Variants in MYO9A observed in about 807,000 individuals in gnomAD.
MYO9A encodes the protein myosin IXA, also known as unconventional myosin-IXa.
Under a neutral mutation model 293.3 loss-of-function variants are expected in MYO9A, and 103 were observed. The observed-to-expected ratio is 0.35, with a 90% CI of 0.30 to 0.41. The LOEUF (loss-of-function observed/expected upper bound fraction) is 0.41. MYO9A is among the 10% of genes least tolerant of loss of function. The pLI, the probability that MYO9A is intolerant of heterozygous loss-of-function variation, is 1.00. For synonymous variants in MYO9A, 1,001 were observed against 1,035.7 expected, an observed-to-expected ratio of 0.97 and a Z score of 0.64; for missense variants, 2,685 against 3,033.0, an observed-to-expected ratio of 0.89 and a Z score of 2.69.
intron 11 of MYO9A, among the ~76,000 whole-genome samples, chr15:71,980,196 G>A (rs765525687): frequency 2.0e-5 from 3 of 152,170 alleles, no homozygotes; most frequent in African/African-American, 2.4e-5. Flanking sequence ...TAAAAATAAC[G>A]TCTTATGACC....
intron 18 of MYO9A, among the ~76,000 whole-genome samples, chr15:71,933,390 GACCTT>G (rs1166111846): frequency 6.6e-6 from 1 of 152,040 alleles, no homozygotes; most frequent in Admixed American, 6.6e-5. Flanking sequence ...GAAATGAAAA[GACCTT>G]ACATAAAGAG....
intron 27 of MYO9A, among the ~76,000 whole-genome samples, chr15:71,887,151 C>G: frequency 6.6e-6 from 1 of 152,014 alleles, no homozygotes; most frequent in East Asian, 1.9e-4. Context: ...AATCCAAGTC[C>G]AAAGCTGGCA....
chr15:71,968,222 C>T, intron 12 of MYO9A, 97 bp from the exon 13 acceptor site: 1 of 1,041,210 alleles, frequency 9.6e-7, no homozygotes, highest in Non-Finnish European at 1.3e-6. Context: ...AATTACATTG[C>T]CATCTTACAT....
At position 71,848,983 on chromosome 15, in the gene MYO9A, A is replaced by G. The variant is rs1262574505; in HGVS notation, c.6714-15T>C. 1 of 1,574,794 alleles carries G rather than the reference A, an allele frequency of 6.4e-7. No individual in the cohort carries two copies. Among genetic ancestry groups the G allele is most frequent in the Non-Finnish European group, 8.6e-7 (1 of 1,167,132 alleles). ...GTTCCACACAACTGAAACAGAAGGA[A>G]AGAGAAAAAAACTGTTAAGAGGTGA... On this transcript the variant is annotated splice_polypyrimidine_tract_variant and intron_variant, in intron 38 of 41. Transcript: ENST00000356056.
chr15:71,991,785 G>A (rs919266373), intron 10 of MYO9A, among the ~76,000 whole-genome samples: 1 of 152,112 alleles, frequency 6.6e-6, no homozygotes, highest in African/African-American at 2.4e-5. Flanking sequence ...ACGGAGTCTC[G>A]ATCTGTCGCC....
Position 71,898,669 on chromosome 15 carries a change from T to C in MYO9A, c.3834A>G (p.Arg1278=), listed in dbSNP as rs376297022. The change falls in exon 25 of 42, where the codon AGA becomes AGG. Residue 1278 remains arginine, a synonymous_variant. Coordinates refer to ENST00000356056, the MANE Select transcript of MYO9A (RefSeq NM_006901.4). ...GRAKRESRRM[R]ELEQAIFSLE... ...AGCTAAATATAGCTTGCTCTAGTTCTCTCATTCTCCTACTTTCTCTCTTAG... is the reference window on the plus strand; with the variant it reads ...AGCTAAATATAGCTTGCTCTAGTTCCCTCATTCTCCTACTTTCTCTCTTAG... The C allele has an allele frequency of 6.2e-7, 1 of 1,613,896 alleles. No homozygotes were observed. The highest frequency in any genetic ancestry group is 1.3e-5 in the African/African-American group (1 of 74,850).
intron 21 of MYO9A, 58 bp downstream of exon 21, chr15:71,903,871 T>C (rs770818334): frequency 7.3e-7 from 1 of 1,379,152 alleles, no homozygotes; most frequent in African/African-American, 1.4e-5. Context: ...AAGCAAGATA[T>C]GTGGGAATCA....
At chr15:72,065,501 G>C (rs542773758) in intron 1 of MYO9A, among the ~76,000 whole-genome samples, 1 of 135,896 alleles carries the variant, frequency 7.4e-6, no homozygotes, top group East Asian at 2.1e-4. Flanking sequence ...GGCAACAAGA[G>C]CAAAACTCCG....
intron 1 of MYO9A, among the ~76,000 whole-genome samples, chr15:72,102,949 GATAA>G (rs1176095874): frequency 2.0e-5 from 3 of 151,396 alleles, no homozygotes; most frequent in African/African-American, 7.3e-5. Context: ...AGAATCTACA[GATAA>G]ATTCAAATTA....
chr15:71,923,476 T>C (rs2058210333), intron 18 of MYO9A, among the ~76,000 whole-genome samples: 1 of 152,244 alleles, frequency 6.6e-6, no homozygotes, highest in Non-Finnish European at 1.5e-5. Flanking sequence ...AATTGAGCAG[T>C]GAAGCTGTCA....
intron 19 of MYO9A, among the ~76,000 whole-genome samples, chr15:71,911,350 A>AC (rs1435238611): frequency 6.6e-6 from 1 of 152,164 alleles, no homozygotes; most frequent in African/African-American, 2.4e-5. Context: ...TCATACTTCT[A>AC]CAAGTATGAA....
At chr15:71,830,973 CTTTTTTTTTTTTTTTTT>C (rs67440366) in intron 39 of MYO9A, among the ~76,000 whole-genome samples, 37 of 103,090 alleles carry the variant, frequency 3.6e-4, no homozygotes, top group African/African-American at 1.4e-3. Context: ...CTGCTTCTTC[CTTTTTTTTTTTTTTTTT>C]TTTTTTTTAA....
intron 35 of MYO9A, among the ~76,000 whole-genome samples, chr15:71,853,085 C>A (rs796909696): frequency 3.7e-5 from 5 of 133,432 alleles, no homozygotes; most frequent in African/African-American, 1.4e-4. Context: ...CAGAGCAAGA[C>A]TGTCTCTGAA....
In MYO9A at chr15:71,938,946, CAG is replaced by C; in HGVS notation, c.2303-21_2303-20del. On this transcript the variant is annotated intron_variant, in intron 15 of 41. Coordinates refer to ENST00000356056, the MANE Select transcript of MYO9A (RefSeq NM_006901.4). ...GTTATACCTAGCAAAATTTAAAAAACAGAAAATTTCAAATCAGTGCAAAGAAA... is the reference window on the plus strand; with the variant it reads ...GTTATACCTAGCAAAATTTAAAAAACAAAATTTCAAATCAGTGCAAAGAAA... 1 of 1,574,036 alleles carries C rather than the reference CAG, an allele frequency of 6.4e-7. No homozygotes were observed. Among genetic ancestry groups the C allele is most frequent in the Admixed American group, 1.8e-5 (1 of 55,384 alleles).
At chr15:72,111,107 C>T (rs1048633189) in intron 1 of MYO9A, among the ~76,000 whole-genome samples, 22 of 149,804 alleles carry the variant, frequency 1.5e-4, no homozygotes, top group African/African-American at 5.4e-4. Flanking sequence ...TGCAGTGAGC[C>T]GAGATTGCAC....
At chr15:71,889,191 T>C (rs780496571) in intron 26 of MYO9A, among the ~76,000 whole-genome samples, 1 of 152,104 alleles carries the variant, frequency 6.6e-6, no homozygotes, top group Admixed American at 6.6e-5. Flanking sequence ...AAGGTCCACA[T>C]TGAATGTTCA....
At chr15:72,020,814 G>T in intron 5 of MYO9A, 104 bp downstream of exon 5, 2 of 572,482 alleles carry the variant, frequency 3.5e-6, no homozygotes, top group Non-Finnish European at 5.5e-6. Flanking sequence ...GAAAATGCTA[G>T]CTAATCCATT....
At chr15:72,085,307 C>T (rs1431279093) in intron 1 of MYO9A, among the ~76,000 whole-genome samples, 1 of 151,574 alleles carries the variant, frequency 6.6e-6, no homozygotes, top group African/African-American at 2.4e-5. Flanking sequence ...GCAGGAGAAT[C>T]GTTTCAACCC....
At chr15:71,933,226 T>G (rs146147961) in intron 18 of MYO9A, among the ~76,000 whole-genome samples, 226 of 152,266 alleles carry the variant, frequency 1.5e-3, no homozygotes, top group African/African-American at 4.8e-3. Flanking sequence ...AGCCAACTAG[T>G]TATATCAGAA....
Sources: allele counts gnomAD v4.1 joint callset (sites outside exome capture counted in the v4.1 genomes callset), GRCh38; gene constraint gnomAD v4.1.1; transcripts MANE v1.5; gene names NCBI Gene and HGNC (gene_info 2026-07-23, HGNC 2026-07-21).